The following IGSF21 variants were observed in gnomAD, a reference collection of about 807,000 sequenced individuals.
The protein encoded by IGSF21 is immunoglobin superfamily member 21.
IGSF21 carries 28 observed loss-of-function variants against 46.8 expected under a neutral mutation model. The observed-to-expected ratio is 0.60, with a 90% CI of 0.44 to 0.82. The LOEUF is 0.82. IGSF21 is among the 40% of genes least tolerant of loss of function. The pLI, the probability that IGSF21 is intolerant of heterozygous loss-of-function variation, is 0.00. For missense variants in IGSF21, 624 were observed against 665.5 expected (o/e 0.94, Z 0.69); for synonymous variants, 284 against 273.6 (o/e 1.04, Z -0.38).
At position 18,376,372 on chromosome 1, in the gene IGSF21, A is replaced by G. The variant is rs2086280544; in HGVS notation, c.1078A>G (p.Arg360Gly). 6.2e-7 allele frequency: 1 copy of G among 1,613,790 alleles called. No homozygotes were observed. Among genetic ancestry groups the G allele is most frequent in the Admixed American group, 1.7e-5 (1 of 59,998 alleles). ...PSRARVGDTV[R>G]ILVHGFQNEV... ...CAGAGCCCGGGTAGGGGACACAGTG[A>G]GGATTCTGGTCCATGGGTTTCAGGT... The change falls in exon 7 of 10, where the codon AGG becomes GGG. Residue 360 changes from arginine (R) to glycine (G), a missense_variant. By Grantham distance (125) the Arg-to-Gly change is moderately radical. Transcript: ENST00000251296.
intron 3 of IGSF21, among the ~76,000 whole-genome samples, chr1:18,333,244 A>G (rs2085732437): frequency 6.6e-6 from 1 of 152,170 alleles, no homozygotes; most frequent in African/African-American, 2.4e-5. Flanking sequence ...GAGAACTTCT[A>G]AGACTTAAAC....
At chr1:18,165,138 T>C (rs902171613) in intron 1 of IGSF21, among the ~76,000 whole-genome samples, 6 of 152,136 alleles carry the variant, frequency 3.9e-5, no homozygotes, top group Non-Finnish European at 8.8e-5. Context: ...CTAGGAACTT[T>C]TCATATGTTG....
intron 1 of IGSF21, among the ~76,000 whole-genome samples, chr1:18,129,783 TA>T (rs2086301975): frequency 6.6e-6 from 1 of 152,200 alleles, no homozygotes; most frequent in Admixed American, 6.5e-5. Context: ...GTAGCAGTAT[TA>T]AAAGGTGGGA....
chr1:18,142,623 G>A (rs947904955), intron 1 of IGSF21, among the ~76,000 whole-genome samples: 1 of 152,218 alleles, frequency 6.6e-6, no homozygotes, highest in African/African-American at 2.4e-5. Flanking sequence ...CGGGCTCTGA[G>A]CCCAACAGAT....
intron 3 of IGSF21, among the ~76,000 whole-genome samples, chr1:18,305,168 A>T (rs1194935706): frequency 5.5e-5 from 8 of 144,306 alleles, no homozygotes; most frequent in African/African-American, 1.8e-4. Context: ...GCACTCAATA[A>T]GAGATAGGGA....
intron 1 of IGSF21, among the ~76,000 whole-genome samples, chr1:18,163,661 C>T (rs944009022): frequency 2.6e-5 from 4 of 152,150 alleles, no homozygotes; most frequent in African/African-American, 9.7e-5. Flanking sequence ...CTGCATTTTT[C>T]CAACTTCCCT....
intron 1 of IGSF21, among the ~76,000 whole-genome samples, chr1:18,138,189 C>T (rs2124422783): frequency 6.6e-6 from 1 of 152,228 alleles, no homozygotes; most frequent in East Asian, 1.9e-4. Flanking sequence ...CTCTGGAGCC[C>T]CAAGCATGGG....
At chr1:18,285,721 G>A (rs768264139) in intron 2 of IGSF21, among the ~76,000 whole-genome samples, 18 of 152,096 alleles carry the variant, frequency 1.2e-4, no homozygotes, top group Non-Finnish European at 2.5e-4. Flanking sequence ...CCCATGTTAC[G>A]GTCTGCTGCC....
At position 18,310,952 on chromosome 1, in the gene IGSF21, A is replaced by G. The variant is rs572542305; in HGVS notation, c.305+18965A>G. Reference sequence around the variant, plus strand: ...CTGTCCAGATTTCCTTCTTAGAAAGACACAGTCACTGGATTAGGGCCCACC... The same window carrying G: ...CTGTCCAGATTTCCTTCTTAGAAAGGCACAGTCACTGGATTAGGGCCCACC... On this transcript the variant is annotated intron_variant, in intron 3 of 9. Transcript: ENST00000251296. 7.8e-4 allele frequency among the ~76,000 whole-genome samples: 119 copies of G among 152,332 alleles called. No homozygotes were observed. The Middle Eastern group carries it at 0.034, about 44-fold the overall frequency.
At chr1:18,256,471 G>T (rs2084893563) in intron 2 of IGSF21, among the ~76,000 whole-genome samples, 1 of 152,180 alleles carries the variant, frequency 6.6e-6, no homozygotes. Context: ...CACCCAGGGA[G>T]CCGGCTCCCA....
intron 1 of IGSF21, among the ~76,000 whole-genome samples, chr1:18,137,908 A>G (rs1321550515): frequency 2.0e-5 from 3 of 152,098 alleles, no homozygotes; most frequent in African/African-American, 7.2e-5. Context: ...AAATGGAGAA[A>G]ACTGAGGCAC....
At position 18,365,294 on chromosome 1, in the gene IGSF21, C is replaced by A; in HGVS notation, c.612C>A (p.Gly204=). 6.2e-7 allele frequency: 1 copy of A among 1,614,016 alleles called. No homozygotes were observed. Among genetic ancestry groups the A allele is most frequent in the South Asian group, 1.1e-5 (1 of 91,068 alleles). The part of the protein sequence containing the change: ...PLSEPPAASS[G]PLQDSRPFRS... ...CAGAGCCACCAGCTGCGAGCTCCGGCCCCCTACAGGACAGCAGGCCCTTCC... is the reference window on the plus strand; with the variant it reads ...CAGAGCCACCAGCTGCGAGCTCCGGACCCCTACAGGACAGCAGGCCCTTCC... Residue 204 remains glycine, a synonymous_variant, in exon 6 of 10, where the codon GGC becomes GGA. Transcript: ENST00000251296. The surrounding 1 kb of genome is among the most constrained non-coding windows in gnomAD (Gnocchi z 4.8).
At position 18,367,954 on chromosome 1, in the gene IGSF21, G is replaced by T. The variant is rs1034138959; in HGVS notation, c.1015+2257G>T. Among the ~76,000 whole-genome samples the T allele has an allele frequency of 2.0e-5, 3 of 152,048 alleles. No individual in the cohort carries two copies. In the East Asian group the frequency reaches 5.8e-4, roughly 30 times the overall value. ...GCCCATACAGAAACTAAAAATAAAG[G>T]CTAACATTTAGTGAGCACCTACTAT... On this transcript the variant is annotated intron_variant, in intron 6 of 9. Coordinates refer to ENST00000251296, the MANE Select transcript of IGSF21 (RefSeq NM_032880.5).
chr1:18,256,521 C>G (rs995686104), intron 2 of IGSF21, among the ~76,000 whole-genome samples: 2 of 152,122 alleles, frequency 1.3e-5, no homozygotes, highest in Admixed American at 6.5e-5. Flanking sequence ...TGATAGTTCC[C>G]GTGTTTCAGC....
intron 1 of IGSF21, chr1:18,111,211 A>T (rs1570233623): frequency 6.6e-6 from 1 of 151,742 alleles, no homozygotes; most frequent in East Asian, 1.9e-4. Context: ...CAACTGGGGG[A>T]GTTAAGGGCC....
At chr1:18,303,066 G>A (rs1032016427) in intron 3 of IGSF21, among the ~76,000 whole-genome samples, 4 of 152,108 alleles carry the variant, frequency 2.6e-5, no homozygotes, top group Non-Finnish European at 4.4e-5. Context: ...TTGGTGGGGG[G>A]CGTCTTGCCT....
rs553317100 is a variant in IGSF21 at position 18,243,233 on chromosome 1, C to T, written c.183+15223C>T. Among the ~76,000 whole-genome samples, 5 of 152,296 alleles carry T rather than the reference C, an allele frequency of 3.3e-5. No homozygotes were observed. The East Asian group carries it at 7.7e-4, about 24-fold the overall frequency. ...GATAAGCATCTCAGACTTAACATGG[C>T]CAAAGCAAAGCTCTGCATTTCTTCC... On this transcript the variant is annotated intron_variant, in intron 2 of 9. Transcript: ENST00000251296.
intron 1 of IGSF21, among the ~76,000 whole-genome samples, chr1:18,158,923 A>G (rs1406442603): frequency 6.6e-6 from 1 of 152,170 alleles, no homozygotes; most frequent in East Asian, 1.9e-4. Context: ...GAGTCTGGAG[A>G]TGGGCGTTAC....
At chr1:18,226,960 G>C (rs375163843) in intron 1 of IGSF21, among the ~76,000 whole-genome samples, 4 of 152,360 alleles carry the variant, frequency 2.6e-5, no homozygotes, top group African/African-American at 9.6e-5. Flanking sequence ...GAGTGGGTTA[G>C]AGGCCTCACC....
Sources: allele counts gnomAD v4.1 joint callset (sites outside exome capture counted in the v4.1 genomes callset), GRCh38; gene constraint gnomAD v4.1.1; non-coding constraint Gnocchi (gnomAD v3.1); transcripts MANE v1.5; gene names NCBI Gene and HGNC (gene_info 2026-07-23, HGNC 2026-07-21).